The following SERPINC1 variants were observed in gnomAD, a reference collection of about 807,000 sequenced individuals.
The protein encoded by SERPINC1 is antithrombin-III.
In SERPINC1, 12 loss-of-function variants were observed where a neutral mutation model predicts 43.4. The observed-to-expected ratio is 0.28, with a 90% CI of 0.18 to 0.45. The LOEUF (loss-of-function observed/expected upper bound fraction) is 0.45, where lower values mean the gene tolerates loss of function less well. SERPINC1 is among the 20% of genes least tolerant of loss of function. The probability of loss-of-function intolerance (pLI) is 1.00; values close to 1 mark genes in which losing one functional copy is unlikely to be tolerated. For missense variants in SERPINC1, 423 were observed against 578.8 expected, an observed-to-expected ratio of 0.73 and a Z score of 2.76; for synonymous variants, 210 against 218.9, an observed-to-expected ratio of 0.96 and a Z score of 0.36.
In SERPINC1 at chr1:173,914,801, T is replaced by C. The variant is rs780670128; in HGVS notation, c.160A>G (p.Ile54Val). The change falls in exon 2 of 7, where the codon ATT becomes GTT. Residue 54 changes from isoleucine (I) to valine (V), a missense_variant. Coordinates refer to ENST00000367698, the MANE Select transcript of SERPINC1 (RefSeq NM_000488.4). The part of the protein sequence containing the change: ...PRDIPMNPMC[I>V]YRSPEKKATE... ...GCCTTCTTCTCCGGGGAGCGGTAAATGCACATGGGATTCATGGGAATGTCC... is the reference window on the plus strand; with the variant it reads ...GCCTTCTTCTCCGGGGAGCGGTAAACGCACATGGGATTCATGGGAATGTCC... 4 of 1,614,140 alleles carry C rather than the reference T, an allele frequency of 2.5e-6. No individual in the cohort carries two copies. Among genetic ancestry groups the C allele is most frequent in the Non-Finnish European group, 3.4e-6 (4 of 1,179,968 alleles).
At chr1:173,908,180 T>C (rs1657609475) in intron 5 of SERPINC1, among the ~76,000 whole-genome samples, 1 of 151,800 alleles carries the variant, frequency 6.6e-6, no homozygotes, top group South Asian at 2.1e-4. Flanking sequence ...GCAACATTTT[T>C]AGTTTTCAAA....
chr1:173,911,991 A>G lies in SERPINC1; in HGVS notation c.432T>C (p.Ser144=), dbSNP rs1404238823. Residue 144 remains serine, a synonymous_variant, in exon 3 of 7, where the codon TCT becomes TCC. Transcript: ENST00000367698. ...LMEVFKFDTI[S]EKTSDQIHFF... The stretch of plus-strand genomic sequence containing the variant: ...AGTGGATCTGATCAGATGTTTTCTC[A>G]GATATGGTGTCAAACTTAAATACCT... 1 of 1,613,972 alleles carries G rather than the reference A, an allele frequency of 6.2e-7. No individual in the cohort carries two copies. The highest frequency in any genetic ancestry group is 2.2e-5 in the East Asian group (1 of 44,898).
intron 6 of SERPINC1, among the ~76,000 whole-genome samples, chr1:173,906,252 G>A (rs1657505208): frequency 6.6e-6 from 1 of 152,166 alleles, no homozygotes; most frequent in South Asian, 2.1e-4. Context: ...TACTGCTGTT[G>A]GTCCATAGTT....
At position 173,909,819 on chromosome 1, in the gene SERPINC1, C is replaced by G. The variant is rs372820797; in HGVS notation, c.886G>C (p.Ala296Pro). 175 of 1,614,024 alleles carry G rather than the reference C, an allele frequency of 1.1e-4. No individual in the cohort carries two copies. The highest frequency in any genetic ancestry group is 1.4e-4 in the Non-Finnish European group (162 of 1,179,960). The change falls in exon 5 of 7, where the codon GCT (alanine) becomes CCT (proline). Residue 296 changes from alanine (A) to proline (P), a missense_variant. Ala to Pro is a conservative substitution (Grantham distance 27, BLOSUM62 -1). Transcript: ENST00000367698. Reference protein sequence around the residue: ...QEGKFRYRRVAEGTQVLELPF... With the variant: ...QEGKFRYRRVPEGTQVLELPF... ...AACTCAAGCACCTGGGTGCCTTCAG[C>G]CACGCGCCGATAACGGAACTTGCCT...
chr1:173,908,028 A>AT (rs1572087377), intron 5 of SERPINC1, among the ~76,000 whole-genome samples: 1 of 145,938 alleles, frequency 6.9e-6, no homozygotes, highest in Non-Finnish European at 1.5e-5. Flanking sequence ...AATAATAATA[A>AT]AAGTACTTTG....
chr1:173,906,603 C>T (rs1268999698), intron 6 of SERPINC1, among the ~76,000 whole-genome samples: 2 of 151,906 alleles, frequency 1.3e-5, no homozygotes, highest in Non-Finnish European at 2.9e-5. Context: ...ATTCTGTCCT[C>T]AGGGAAAGGT....
chr1:173,914,929 G>T lies in SERPINC1; in HGVS notation c.42-10C>A, dbSNP rs755827622. 19 of 1,611,756 alleles carry T rather than the reference G, an allele frequency of 1.2e-5. No homozygotes were observed. The East Asian group carries it at 4.0e-4, about 34-fold the overall frequency. On this transcript the variant is annotated splice_polypyrimidine_tract_variant and intron_variant, in intron 1 of 6. Coordinates refer to ENST00000367698, the MANE Select transcript of SERPINC1 (RefSeq NM_000488.4). Reference sequence around the variant, plus strand: ...CAAAAGATAAACCTTCCTGCAAGGAGACAAAATGCCAAGTTAAGCTAGGCT... The same window carrying T: ...CAAAAGATAAACCTTCCTGCAAGGATACAAAATGCCAAGTTAAGCTAGGCT...
At chr1:173,907,683 ATAAAG>A (rs1394317601) in intron 5 of SERPINC1, among the ~76,000 whole-genome samples, 169 bp from the exon 6 acceptor site, 1 of 152,160 alleles carries the variant, frequency 6.6e-6, no homozygotes, top group Non-Finnish European at 1.5e-5. Context: ...GTTAAAAATA[ATAAAG>A]TACTTTGGGG....
rs959444705 is a variant in SERPINC1 at position 173,910,060 on chromosome 1, G to A, written c.763-118C>T. ...ATAATTATTCGGAAAAAAGACTGGC[G>A]GGATATGCACAAAAAGGTTAACAAT... is the stretch of plus-strand genomic sequence containing the variant. On this transcript the variant is annotated intron_variant, in intron 4 of 6. Coordinates refer to ENST00000367698, the MANE Select transcript of SERPINC1 (RefSeq NM_000488.4). 29 of 998,148 alleles carry A rather than the reference G, an allele frequency of 2.9e-5. No homozygotes were observed. In the African/African-American group the frequency reaches 3.7e-4, roughly 13 times the overall value. The allele number at this position is 998,148 out of a possible 1,614,324, so 61.8% of individuals were successfully genotyped here.
chr1:173,914,750 T>G lies in SERPINC1; in HGVS notation c.211A>C (p.Lys71Gln). 5 of 1,614,232 alleles carry G rather than the reference T, an allele frequency of 3.1e-6. No individual in the cohort carries two copies. The highest frequency in any genetic ancestry group is 3.4e-6 in the Non-Finnish European group (4 of 1,180,038). ...CGCCGGTTGGTGGCCTCCGGGATCTTCTGTTCTGAGCCCTCATCCTCAGTT... is the reference window on the plus strand; with the variant it reads ...CGCCGGTTGGTGGCCTCCGGGATCTGCTGTTCTGAGCCCTCATCCTCAGTT... Reference protein sequence around the residue: ...KATEDEGSEQKIPEATNRRVW... With the variant: ...KATEDEGSEQQIPEATNRRVW... Residue 71 changes from lysine (K) to glutamine (Q), a missense_variant, in exon 2 of 7, where the codon AAG (lysine) becomes CAG (glutamine). Physicochemically the swap from Lys to Gln is moderately conservative, Grantham distance 53 (BLOSUM62 1). Transcript: ENST00000367698.
chr1:173,909,813 C>G lies in SERPINC1; in HGVS notation c.892G>C (p.Gly298Arg). Residue 298 changes from glycine (G) to arginine (R), a missense_variant, in exon 5 of 7, where the codon GGC becomes CGC. By Grantham distance (125) the Gly-to-Arg change is moderately radical (BLOSUM62 -2). Coordinates refer to ENST00000367698, the MANE Select transcript of SERPINC1 (RefSeq NM_000488.4). ...AAGGGCAACTCAAGCACCTGGGTGC[C>G]TTCAGCCACGCGCCGATAACGGAAC... The part of the protein sequence containing the change: ...GKFRYRRVAE[G>R]TQVLELPFKG... 4 of 1,614,176 alleles carry G rather than the reference C, an allele frequency of 2.5e-6. No individual in the cohort carries two copies. The highest frequency in any genetic ancestry group is 3.4e-6 in the Non-Finnish European group (4 of 1,179,980).
chr1:173,911,755 G>T, intron 3 of SERPINC1, 44 bp downstream of exon 3: 1 of 1,437,586 alleles, frequency 7.0e-7, no homozygotes, highest in Non-Finnish European at 9.8e-7. Context: ...ATCTCTGAGT[G>T]GAGAGGAAGA....
intron 5 of SERPINC1, 42 bp downstream of exon 5, chr1:173,909,510 C>T (rs756267601): frequency 6.2e-7 from 1 of 1,608,460 alleles, no homozygotes; most frequent in African/African-American, 1.3e-5. Context: ...GGTCAGACTA[C>T]CTTGCGGGTG....
chr1:173,912,290 T>G (rs540158550), intron 2 of SERPINC1, among the ~76,000 whole-genome samples: 1 of 152,322 alleles, frequency 6.6e-6, no homozygotes, highest in Non-Finnish European at 1.5e-5. Context: ...GACGTTTTCT[T>G]GCTGGAATGG....
chr1:173,914,803 C>T lies in SERPINC1; in HGVS notation c.158G>A (p.Cys53Tyr). The part of the protein sequence containing the change: ...KPRDIPMNPM[C>Y]IYRSPEKKAT... The stretch of plus-strand genomic sequence containing the variant: ...CTTCTTCTCCGGGGAGCGGTAAATG[C>T]ACATGGGATTCATGGGAATGTCCCG... The change falls in exon 2 of 7, where the codon TGC becomes TAC. Residue 53 changes from cysteine to tyrosine, a missense_variant. Physicochemically the swap from Cys to Tyr is radical, Grantham distance 194 (BLOSUM62 -2). Coordinates refer to ENST00000367698, the MANE Select transcript of SERPINC1 (RefSeq NM_000488.4). The T allele has an allele frequency of 6.2e-7, 1 of 1,614,140 alleles. No individual in the cohort carries two copies. The highest frequency in any genetic ancestry group is 8.5e-7 in the Non-Finnish European group (1 of 1,179,972).
chr1:173,917,315 C>T lies in SERPINC1; in HGVS notation c.-56G>A, dbSNP rs1658035302. ...TGGAGATAGTGTGATCTGAGGCAAT[C>T]CGCCTGAAAACTGGTTCTTTCCTCT... On this transcript the variant is annotated 5_prime_UTR_variant, in exon 1 of 7. Transcript: ENST00000367698. The T allele has an allele frequency of 3.9e-6, 6 of 1,552,782 alleles. No homozygotes were observed. The highest frequency in any genetic ancestry group is 3.4e-5 in the Admixed American group (2 of 59,682).
intron 5 of SERPINC1, among the ~76,000 whole-genome samples, chr1:173,908,490 CAAAAAAAAAAAAA>C (rs753240633): frequency 3.7e-5 from 2 of 54,046 alleles, no homozygotes; most frequent in Admixed American, 2.2e-4. Context: ...GACTTCGTCT[CAAAAAAAAAAAAA>C]AAAAAAAAAG....
intron 1 of SERPINC1, among the ~76,000 whole-genome samples, chr1:173,915,575 G>A (rs550815677): frequency 4.4e-4 from 67 of 152,302 alleles, no homozygotes; most frequent in Middle Eastern, 6.8e-3. Flanking sequence ...TACTAGGGAG[G>A]CTGAGGCAGA....
intron 3 of SERPINC1, 121 bp downstream of exon 3, chr1:173,911,678 G>A: frequency 1.2e-6 from 1 of 815,634 alleles, no homozygotes. Flanking sequence ...CTAACTTTTA[G>A]TCAGCCCTCC....
Sources: gnomAD v4.1 joint callset for allele counts (sites outside exome capture counted in the v4.1 genomes callset) on GRCh38, gnomAD v4.1.1 for gene constraint, MANE v1.5 for transcripts, NCBI Gene and HGNC (gene_info 2026-07-23, HGNC 2026-07-21) for gene names.